Variants in CTPS2 observed in about 807,000 individuals in gnomAD.
The protein encoded by CTPS2 is CTP synthase II.
In CTPS2, 19 loss-of-function variants were observed where a neutral mutation model predicts 46.8. That is an observed-to-expected ratio of 0.41 (90% CI 0.28 to 0.60). The LOEUF (loss-of-function observed/expected upper bound fraction) is 0.60, where lower values mean the gene tolerates loss of function less well. CTPS2 is among the 20% of genes least tolerant of loss of function. CTPS2 has a pLI of 0.35. For synonymous variants in CTPS2, 151 were observed against 165.2 expected (o/e 0.91, Z 0.66); for missense variants, 286 against 447.6 (o/e 0.64, Z 3.26).
At position 16,673,584 on chromosome X, in the gene CTPS2, T is replaced by TA. The variant is rs369260548; in HGVS notation, c.1095-2911dup. On this transcript the variant is annotated intron_variant, in intron 10 of 18. Transcript: ENST00000359276. ...TTTATATGTGTTGTGTGTGTGATGT[T>TA]AAAAAAAAAAAGCTTTAATTGGTTT... 9.6e-3 allele frequency among the ~76,000 whole-genome samples: 985 copies of TA among 102,250 alleles called. 11 individuals are homozygous for TA. The highest frequency in any genetic ancestry group is 0.031 in the African/African-American group (889 of 28,400). 88.8% of individuals were successfully genotyped at this position (102,250 alleles called of 115,157 possible).
intron 13 of CTPS2, among the ~76,000 whole-genome samples, chrX:16,639,462 A>C (rs1931935762): frequency 9.0e-6 from 1 of 110,862 alleles, no homozygotes; most frequent in Non-Finnish European, 1.9e-5. Flanking sequence ...CATTTAAATC[A>C]CTTATAAAAC....
At chrX:16,652,023 G>A (rs1399122214) in intron 13 of CTPS2, among the ~76,000 whole-genome samples, 1 of 109,645 alleles carries the variant, frequency 9.1e-6, no homozygotes, top group East Asian at 2.9e-4. Flanking sequence ...CAGGATGGGG[G>A]GGGCCAGTGG....
intron 4 of CTPS2, among the ~76,000 whole-genome samples, chrX:16,696,955 G>A (rs1452047386): frequency 9.0e-6 from 1 of 110,849 alleles, no homozygotes; most frequent in South Asian, 3.7e-4. Flanking sequence ...AAATGAGGAC[G>A]TTGAAACTGT....
At chrX:16,694,935 G>A (rs896677185) in intron 4 of CTPS2, among the ~76,000 whole-genome samples, 2 of 111,381 alleles carry the variant, frequency 1.8e-5, no homozygotes, top group African/African-American at 6.5e-5. Flanking sequence ...AGTCCAGGCT[G>A]CAGTGAGTCA....
rs759209440 is a variant in CTPS2, at chrX:16,628,735, T to G, written c.1394-8403A>C. On this transcript the variant is annotated intron_variant, in intron 14 of 18. Transcript: ENST00000359276. The stretch of plus-strand genomic sequence containing the variant: ...TCTTGGCATCTCTTTTCTTAGATCT[T>G]ATGCATTGGCAAGTGGGGAGCTAGC... Among the ~76,000 whole-genome samples, 14 of 111,904 alleles carry G rather than the reference T, an allele frequency of 1.3e-4. No homozygotes were observed. The South Asian group carries it at 5.3e-3, about 42-fold the overall frequency.
intron 8 of CTPS2, among the ~76,000 whole-genome samples, chrX:16,688,655 T>C (rs978489487): frequency 9.0e-6 from 1 of 111,211 alleles, no homozygotes; most frequent in Non-Finnish European, 1.9e-5. Context: ...GGAGTTTTAA[T>C]AATTATGCTG....
chrX:16,694,395 G>A (rs964616898), intron 4 of CTPS2, among the ~76,000 whole-genome samples: 3 of 110,850 alleles, frequency 2.7e-5, no homozygotes, highest in African/African-American at 9.8e-5. Context: ...CCTCCTTGGA[G>A]GGCGGACTCT....
chrX:16,637,444 C>T (rs970056567), intron 14 of CTPS2, among the ~76,000 whole-genome samples: 5 of 112,149 alleles, frequency 4.5e-5, no homozygotes, highest in Non-Finnish European at 7.5e-5. Context: ...GTCTTGAATT[C>T]CTGGGCTCAA....
At chrX:16,647,345 G>A (rs1276842517) in intron 13 of CTPS2, among the ~76,000 whole-genome samples, 3 of 89,664 alleles carry the variant, frequency 3.3e-5, no homozygotes, top group Non-Finnish European at 6.2e-5. Flanking sequence ...TCAGCTCAAC[G>A]CAACTTCCAC....
At position 16,667,698 on chromosome X, in the gene CTPS2, C is replaced by T. The variant is rs1921317194; in HGVS notation, c.1216G>A (p.Val406Met). ...AGGCAGTTTCTTGCAAACTCTATCA[C>T]TGCTAGTTGCATCCCAAGACAAACT... Reference protein sequence around the residue: ...LGVCLGMQLAVIEFARNCLNL... With the variant: ...LGVCLGMQLAMIEFARNCLNL... Residue 406 changes from valine to methionine, a missense_variant, in exon 12 of 19, where the codon GTG (valine) becomes ATG (methionine). Coordinates refer to ENST00000359276, the MANE Select transcript of CTPS2 (RefSeq NM_175859.3). The T allele has an allele frequency of 4.1e-6, 5 of 1,208,610 alleles. No individual in the cohort carries two copies. The African/African-American group carries it at 8.8e-5, about 21-fold the overall frequency.
chrX:16,663,206 G>A (rs1365137667), intron 13 of CTPS2, among the ~76,000 whole-genome samples: 3 of 111,620 alleles, frequency 2.7e-5, no homozygotes, highest in Non-Finnish European at 3.8e-5. Flanking sequence ...GGAATGCAGC[G>A]GCGTGATCAC....
intron 7 of CTPS2, among the ~76,000 whole-genome samples, chrX:16,689,871 G>A (rs955298495): frequency 9.0e-6 from 1 of 111,118 alleles, no homozygotes; most frequent in African/African-American, 3.3e-5. Context: ...GACCAACATG[G>A]TGAAACCCCA....
At chrX:16,634,319 G>A (rs1011060252) in intron 14 of CTPS2, among the ~76,000 whole-genome samples, 2 of 111,387 alleles carry the variant, frequency 1.8e-5, no homozygotes, top group Non-Finnish European at 3.8e-5. Flanking sequence ...ATCAAATCAG[G>A]GTAATTATTT....
chrX:16,681,388 A>C (rs927855907), intron 9 of CTPS2, among the ~76,000 whole-genome samples: 1 of 111,458 alleles, frequency 9.0e-6, no homozygotes, highest in African/African-American at 3.3e-5. Context: ...CATTTAAGTC[A>C]AGATGATAAG....
chrX:16,658,598 T>C (rs1286507257), intron 13 of CTPS2, among the ~76,000 whole-genome samples: 1 of 112,198 alleles, frequency 8.9e-6, no homozygotes, highest in African/African-American at 3.2e-5. Context: ...ATTTGTATGG[T>C]TTGTCAAACA....
intron 17 of CTPS2, among the ~76,000 whole-genome samples, chrX:16,597,329 C>T (rs1929346460): frequency 8.9e-6 from 1 of 111,811 alleles, no homozygotes; most frequent in African/African-American, 3.3e-5. Flanking sequence ...GGTTTTAGGT[C>T]TAACGTTTAA....
At chrX:16,613,752 A>G (rs949441229) in intron 16 of CTPS2, among the ~76,000 whole-genome samples, 1 of 110,758 alleles carries the variant, frequency 9.0e-6, no homozygotes, top group African/African-American at 3.3e-5. Context: ...CACCATGCCC[A>G]GCTAATTATT....
chrX:16,603,272 C>T (rs1929770325), intron 17 of CTPS2, among the ~76,000 whole-genome samples: 1 of 109,939 alleles, frequency 9.1e-6, no homozygotes. Flanking sequence ...AAAAAATTAG[C>T]CGGGCATGGT....
At chrX:16,619,525 G>A (rs916197604) in intron 15 of CTPS2, among the ~76,000 whole-genome samples, 9 of 111,021 alleles carry the variant, frequency 8.1e-5, no homozygotes, top group Admixed American at 4.8e-4. Context: ...CACAGACAAG[G>A]GTAGGGCTGA....
Sources: allele counts gnomAD v4.1 joint callset (sites outside exome capture counted in the v4.1 genomes callset), GRCh38; gene constraint gnomAD v4.1.1; transcripts MANE v1.5; gene names NCBI Gene and HGNC (gene_info 2026-07-23, HGNC 2026-07-21).